The following ALMS1 variants were observed in gnomAD, a reference collection of about 807,000 sequenced individuals.
ALMS1 encodes ALMS1 centrosome and basal body associated protein.
ALMS1 carries 271 observed loss-of-function variants against 352.2 expected under a neutral mutation model. The ratio of observed to expected loss-of-function variants is 0.77; its 90% CI spans 0.70 to 0.85. The LOEUF (loss-of-function observed/expected upper bound fraction) is 0.85, where lower values mean the gene tolerates loss of function less well. Ranked by LOEUF, ALMS1 falls within the 40% of genes least tolerant of loss-of-function variation. ALMS1 has a pLI of 0.00. For missense variants in ALMS1, 5,445 were observed against 4,870.7 expected, an observed-to-expected ratio of 1.12 and a Z score of -3.51; for synonymous variants, 1,865 against 1,761.2, an observed-to-expected ratio of 1.06 and a Z score of -1.48.
chr2:73,581,339 C>T lies in ALMS1; in HGVS notation c.11547+7915C>T, dbSNP rs888977802. Among the ~76,000 whole-genome samples the T allele has an allele frequency of 2.6e-5, 4 of 152,266 alleles. No homozygotes were observed. In the East Asian group the frequency reaches 5.8e-4, roughly 22 times the overall value. ...AAGGCAGGTCCCTTGTGTCAGTCCA[C>T]GGCTAATACTCAGACATGTCAAAAC... On this transcript the variant is annotated intron_variant, in intron 16 of 22. Transcript: ENST00000613296.
intron 9 of ALMS1, among the ~76,000 whole-genome samples, chr2:73,484,979 A>C (rs1465334236): frequency 6.6e-6 from 1 of 151,956 alleles, no homozygotes; most frequent in African/African-American, 2.4e-5. Context: ...CATTCTTCTA[A>C]ATTTTTTTCA....
At position 73,461,547 on chromosome 2, in the gene ALMS1, G is replaced by A. The variant is rs375815647; in HGVS notation, c.7674+6252G>A. The stretch of plus-strand genomic sequence containing the variant: ...AACTGGAAACTCTAAAAAGCAGAGC[G>A]CCTCTCCTCCTCCAAAGGAACGCAG... On this transcript the variant is annotated intron_variant, in intron 9 of 22. Coordinates refer to ENST00000613296, the MANE Select transcript of ALMS1 (RefSeq NM_001378454.1). Among the ~76,000 whole-genome samples the A allele has an allele frequency of 3.2e-4, 49 of 152,262 alleles. No individual in the cohort carries two copies. The East Asian group carries it at 9.1e-3, about 28-fold the overall frequency.
intron 6 of ALMS1, among the ~76,000 whole-genome samples, chr2:73,430,171 G>A (rs1671471041): frequency 6.6e-6 from 1 of 151,274 alleles, no homozygotes. Flanking sequence ...CCGCCTCCCG[G>A]GTTCACACCA....
At chr2:73,431,639 CTTTTG>C (rs1470974222) in intron 6 of ALMS1, among the ~76,000 whole-genome samples, 3 of 152,156 alleles carry the variant, frequency 2.0e-5, no homozygotes. Flanking sequence ...GTTTCCACTA[CTTTTG>C]TTTTAAGAAG....
intron 3 of ALMS1, among the ~76,000 whole-genome samples, chr2:73,420,008 A>T (rs1671253509): frequency 6.6e-6 from 1 of 152,218 alleles, no homozygotes; most frequent in African/African-American, 2.4e-5. Flanking sequence ...GTTTTCTATG[A>T]TGTGGATTAT....
In ALMS1 at chr2:73,433,288, G is replaced by A. The variant is rs185584675; in HGVS notation, c.1432+997G>A. Among the ~76,000 whole-genome samples the A allele has an allele frequency of 4.6e-5, 7 of 152,308 alleles. No homozygotes were observed. In the East Asian group the frequency reaches 1.4e-3, roughly 29 times the overall value. ...AATTACAGTATTGATCCTTGGTTCA[G>A]GAATACATTGAATGGGTATGGTAGA... On this transcript the variant is annotated intron_variant, in intron 7 of 22. Coordinates refer to ENST00000613296, the MANE Select transcript of ALMS1 (RefSeq NM_001378454.1).
rs1255060538 is a variant in ALMS1, at chr2:73,490,382, A to G, written c.8423A>G (p.Glu2808Gly). ...LPVDFERSFQ[E>G]EKPLERSDFT... Reference sequence around the variant, plus strand: ...GTTGATTTTGAGCGTTCTTTTCAAGAAGAAAAACCCTTAGAAAGATCAGAT... The same window carrying G: ...GTTGATTTTGAGCGTTCTTTTCAAGGAGAAAAACCCTTAGAAAGATCAGAT... The change falls in exon 10 of 23, where the codon GAA becomes GGA. Residue 2808 changes from glutamate to glycine, a missense_variant. Coordinates refer to ENST00000613296, the MANE Select transcript of ALMS1 (RefSeq NM_001378454.1). The G allele has an allele frequency of 2.5e-6, 4 of 1,613,416 alleles. No individual in the cohort carries two copies. Among genetic ancestry groups the G allele is most frequent in the Non-Finnish European group, 3.4e-6 (4 of 1,179,794 alleles).
At chr2:73,429,649 T>G (rs190996961) in intron 6 of ALMS1, among the ~76,000 whole-genome samples, 3 of 152,176 alleles carry the variant, frequency 2.0e-5, no homozygotes, top group Non-Finnish European at 4.4e-5. Context: ...GGTTTAAGCC[T>G]TAGATTTCTT....
intron 1 of ALMS1, among the ~76,000 whole-genome samples, chr2:73,404,953 C>T (rs1422857198): frequency 8.7e-6 from 1 of 115,440 alleles, no homozygotes; most frequent in Non-Finnish European, 1.6e-5. Flanking sequence ...ACTTTGTCAC[C>T]CAGGCTGGAG....
chr2:73,520,862 G>A (rs1163812486), intron 11 of ALMS1, among the ~76,000 whole-genome samples: 1 of 152,086 alleles, frequency 6.6e-6, no homozygotes, highest in African/African-American at 2.4e-5. Context: ...GTAAGTAGCA[G>A]GAAAATTAAC....
chr2:73,582,996 C>T (rs1162219874), intron 16 of ALMS1, among the ~76,000 whole-genome samples: 7 of 151,468 alleles, frequency 4.6e-5, no homozygotes, highest in Non-Finnish European at 1.0e-4. Context: ...ATGCCACCAA[C>T]AATGTACAAG....
At chr2:73,502,637 G>C (rs1446079095) in intron 10 of ALMS1, among the ~76,000 whole-genome samples, 5 of 152,030 alleles carry the variant, frequency 3.3e-5, no homozygotes, top group Admixed American at 2.6e-4. Context: ...TGTTTTTCCT[G>C]ATCTATGGAT....
chr2:73,597,066 G>C (rs1675568361), intron 16 of ALMS1, among the ~76,000 whole-genome samples: 1 of 151,826 alleles, frequency 6.6e-6, no homozygotes, highest in Non-Finnish European at 1.5e-5. Flanking sequence ...TGTATGGTGA[G>C]TGTCTCACCA....
chr2:73,596,998 AT>A (rs1675566577), intron 16 of ALMS1, among the ~76,000 whole-genome samples: 1 of 151,448 alleles, frequency 6.6e-6, no homozygotes, highest in African/African-American at 2.4e-5. Flanking sequence ...ATTGTGTAGA[AT>A]CAACAGATTA....
intron 2 of ALMS1, among the ~76,000 whole-genome samples, chr2:73,411,775 A>G (rs1170711881): frequency 1.3e-5 from 2 of 152,128 alleles, no homozygotes; most frequent in African/African-American, 2.4e-5. Flanking sequence ...TCACTTCAGC[A>G]TACATTTCCC....
chr2:73,472,064 A>G (rs530250484), intron 9 of ALMS1, among the ~76,000 whole-genome samples: 100 of 152,196 alleles, frequency 6.6e-4, no homozygotes, highest in African/African-American at 1.9e-3. Flanking sequence ...CCTGCAAGAC[A>G]TTACACTATG....
At chr2:73,473,948 A>G (rs1572955928) in intron 9 of ALMS1, among the ~76,000 whole-genome samples, 1 of 142,856 alleles carries the variant, frequency 7.0e-6, no homozygotes, top group South Asian at 2.3e-4. Context: ...GAGAGAGAGA[A>G]AGGGGCGGTA....
rs1201386503 is a variant in ALMS1, at chr2:73,458,076, T to TTACTCTCA, written c.7674+2782_7674+2789dup. On this transcript the variant is annotated intron_variant, in intron 9 of 22. Transcript: ENST00000613296. Reference sequence around the variant, plus strand: ...AAAGGTCTAAAACTTTTGAATAAGATTACTCTCACACCTATTTTGAGTACT... The same window carrying TTACTCTCA: ...AAAGGTCTAAAACTTTTGAATAAGATTACTCTCATACTCTCACACCTATTTTGAGTACT... 4 of 145,222 alleles carry TTACTCTCA rather than the reference T, an allele frequency of 2.8e-5. No individual in the cohort carries two copies. In the East Asian group the frequency reaches 8.3e-4, roughly 30 times the overall value. 9.0% of individuals were successfully genotyped at this position (145,222 alleles called of 1,614,324 possible).
At chr2:73,605,897 A>G (rs946983308) in intron 21 of ALMS1, among the ~76,000 whole-genome samples, 1 of 152,102 alleles carries the variant, frequency 6.6e-6, no homozygotes, top group African/African-American at 2.4e-5. Flanking sequence ...TGGGTGTAGT[A>G]TCAAAGAAGA....
Sources: gnomAD v4.1 joint callset for allele counts (sites outside exome capture counted in the v4.1 genomes callset) on GRCh38, gnomAD v4.1.1 for gene constraint, MANE v1.5 for transcripts, NCBI Gene and HGNC (gene_info 2026-07-23, HGNC 2026-07-21) for gene names.